Variants in ADAMTSL1 observed in about 807,000 individuals in gnomAD.
ADAMTSL1 encodes the protein ADAMTS like 1.
A neutral mutation model predicts 201.8 loss-of-function variants in ADAMTSL1; 126 were observed. That is an observed-to-expected ratio of 0.62 (90% confidence interval 0.54 to 0.72). The LOEUF (loss-of-function observed/expected upper bound fraction) is 0.72. ADAMTSL1 is among the 30% of genes least tolerant of loss of function. The pLI is 0.00. For missense variants in ADAMTSL1, 2,679 were observed against 2,277.8 expected, an observed-to-expected ratio of 1.18 and a Z score of -3.59; for synonymous variants, 1,121 against 903.4, an observed-to-expected ratio of 1.24 and a Z score of -4.32.
chr9:18,577,485 C>G (rs547228903), intron 4 of ADAMTSL1, among the ~76,000 whole-genome samples: 1 of 152,230 alleles, frequency 6.6e-6, no homozygotes, highest in African/African-American at 2.4e-5. Context: ...GACTCCATCT[C>G]TAAATAAATA....
intron 10 of ADAMTSL1, among the ~76,000 whole-genome samples, chr9:18,679,173 G>A (rs150845868): frequency 3.1e-4 from 47 of 152,122 alleles, no homozygotes; most frequent in Non-Finnish European, 3.1e-4. Flanking sequence ...CAAAAAACCC[G>A]CCTACAGAAT....
At chr9:18,779,570 T>C (rs1821264537) in intron 19 of ADAMTSL1, among the ~76,000 whole-genome samples, 1 of 152,248 alleles carries the variant, frequency 6.6e-6, no homozygotes. Flanking sequence ...ACAGGCAGCA[T>C]GCCCCAGAGC....
rs544462430 is a variant in ADAMTSL1 at position 18,416,013 on chromosome 9, TC to T, written c.208-88815del. Among the ~76,000 whole-genome samples, 192 of 152,036 alleles carry T rather than the reference TC, an allele frequency of 1.3e-3. 1 individual carries two copies. Among genetic ancestry groups the T allele is most frequent in the Non-Finnish European group, 1.9e-3 (129 of 67,906 alleles). On this transcript the variant is annotated intron_variant, in intron 2 of 29. Coordinates refer to the ADAMTSL1 transcript ENST00000680146. ...TTCAGACATGAAAAGCTAAAAGAATTCATTACTAGCAGACCTGTACTACAAG... is the reference window on the plus strand; with the variant it reads ...TTCAGACATGAAAAGCTAAAAGAATTATTACTAGCAGACCTGTACTACAAG...
intron 14 of ADAMTSL1, among the ~76,000 whole-genome samples, chr9:18,720,918 G>A (rs1833312456): frequency 6.6e-6 from 1 of 152,220 alleles, no homozygotes; most frequent in Non-Finnish European, 1.5e-5. Flanking sequence ...GCGGGTGTCA[G>A]TGGGAAGGTT....
In ADAMTSL1 at chr9:18,412,311, T is replaced by C. The variant is rs114501192; in HGVS notation, c.208-92518T>C. Among the ~76,000 whole-genome samples the C allele has an allele frequency of 5.2e-3, 790 of 152,338 alleles. 12 individuals carry two copies. The highest frequency in any genetic ancestry group is 0.017 in the African/African-American group (726 of 41,574). On this transcript the variant is annotated intron_variant, in intron 2 of 29. Transcript: ENST00000680146. ...CCAACACTGGTGATGTTAAGATTAA[T>C]CAGTGGACACAGGTGGGATCAGCCA... is the stretch of plus-strand genomic sequence containing the variant.
At chr9:18,544,274 C>G (rs549051477) in intron 3 of ADAMTSL1, among the ~76,000 whole-genome samples, 1 of 152,280 alleles carries the variant, frequency 6.6e-6, no homozygotes, top group Non-Finnish European at 1.5e-5. Flanking sequence ...AAACAGGGCC[C>G]AGTGAAACCA....
Position 18,826,469 on chromosome 9 carries a change from C to G in ADAMTSL1, c.4114+6C>G. On this transcript the variant is annotated splice_donor_region_variant and intron_variant, in intron 22 of 28. Coordinates refer to ENST00000380548, the MANE Select transcript of ADAMTSL1 (RefSeq NM_001040272.6). ...CACCCAGCTGCTGATCCTAGGTAAA[C>G]ACTTCAAAGCTGGCTGCCTCTGCTG... 1 of 1,610,364 alleles carries G rather than the reference C, an allele frequency of 6.2e-7. No individual in the cohort carries two copies. The highest frequency in any genetic ancestry group is 8.5e-7 in the Non-Finnish European group (1 of 1,178,340).
chr9:18,181,455 C>T (rs1352997018), intron 2 of ADAMTSL1, among the ~76,000 whole-genome samples: 1 of 151,940 alleles, frequency 6.6e-6, no homozygotes, highest in Admixed American at 6.6e-5. Context: ...AAACAAACAA[C>T]CCGATCAAAA....
intron 15 of ADAMTSL1, among the ~76,000 whole-genome samples, chr9:18,738,832 C>T (rs1818662726): frequency 6.6e-6 from 1 of 152,126 alleles, no homozygotes; most frequent in Non-Finnish European, 1.5e-5. Flanking sequence ...AAAGGAACTC[C>T]AAAGACCAAT....
chr9:18,529,180 T>A (rs1053947132), intron 2 of ADAMTSL1, among the ~76,000 whole-genome samples: 1 of 152,182 alleles, frequency 6.6e-6, no homozygotes, highest in Non-Finnish European at 1.5e-5. Flanking sequence ...TGCACTGAAG[T>A]TCTTTCACAT....
At chr9:18,739,271 T>A (rs576051613) in intron 15 of ADAMTSL1, among the ~76,000 whole-genome samples, 1 of 152,316 alleles carries the variant, frequency 6.6e-6, no homozygotes, top group East Asian at 1.9e-4. Context: ...CCCAAGGTCA[T>A]AAAACACAGA....
chr9:18,782,851 T>C (rs1821477973), intron 19 of ADAMTSL1, among the ~76,000 whole-genome samples: 3 of 152,122 alleles, frequency 2.0e-5, no homozygotes, highest in Non-Finnish European at 4.4e-5. Flanking sequence ...ACAATGACTT[T>C]GTGTTGAAAG....
intron 14 of ADAMTSL1, chr9:18,718,593 C>T: frequency 2.4e-6 from 1 of 409,992 alleles, no homozygotes; most frequent in Non-Finnish European, 4.8e-6. Flanking sequence ...CAGTGTCACT[C>T]CCTCCGGGTT....
chr9:18,889,809 G>T, intron 25 of ADAMTSL1, 61 bp downstream of exon 25: 2 of 1,393,932 alleles, frequency 1.4e-6, no homozygotes, highest in East Asian at 2.8e-5. Flanking sequence ...CCCTGTTAGC[G>T]AAGTCAGTGG....
chr9:18,683,935 A>G (rs1830673532), intron 12 of ADAMTSL1, among the ~76,000 whole-genome samples: 1 of 152,218 alleles, frequency 6.6e-6, no homozygotes, highest in South Asian at 2.1e-4. Flanking sequence ...GTGATAGAGC[A>G]TCATTGGCTC....
chr9:18,554,287 A>G (rs770465557), intron 3 of ADAMTSL1, among the ~76,000 whole-genome samples: 6 of 151,688 alleles, frequency 4.0e-5, no homozygotes, highest in South Asian at 2.1e-4. Flanking sequence ...TAATTTCACT[A>G]TCAGAATTTT....
chr9:18,552,167 G>GT (rs998302415), intron 3 of ADAMTSL1, among the ~76,000 whole-genome samples: 3 of 151,326 alleles, frequency 2.0e-5, no homozygotes, highest in African/African-American at 7.3e-5. Context: ...TGTACTTTTT[G>GT]TAATTCCTTA....
At chr9:18,801,130 G>A (rs948830916) in intron 20 of ADAMTSL1, among the ~76,000 whole-genome samples, 4 of 152,154 alleles carry the variant, frequency 2.6e-5, no homozygotes, top group Admixed American at 6.5e-5. Flanking sequence ...TGCTGAAGGC[G>A]TGCCAACTAA....
At chr9:18,187,386 A>G (rs1275785587) in intron 2 of ADAMTSL1, among the ~76,000 whole-genome samples, 1 of 152,144 alleles carries the variant, frequency 6.6e-6, no homozygotes, top group Admixed American at 6.6e-5. Context: ...TGTAAACCTG[A>G]CCTGTCCATA....
Sources: allele counts gnomAD v4.1 joint callset (sites outside exome capture counted in the v4.1 genomes callset), GRCh38; gene constraint gnomAD v4.1.1; transcripts MANE v1.5; gene names NCBI Gene and HGNC (gene_info 2026-07-23, HGNC 2026-07-21).